The following BMP2K variants were observed in gnomAD, a reference collection of about 807,000 sequenced individuals.
BMP2K encodes BMP2 inducible kinase.
Under a neutral mutation model 116.0 loss-of-function variants are expected in BMP2K, and 74 were observed. The ratio of observed to expected loss-of-function variants is 0.64; its 90% CI spans 0.53 to 0.77. The LOEUF (loss-of-function observed/expected upper bound fraction) is 0.77, where lower values mean the gene tolerates loss of function less well. Ranked by LOEUF, BMP2K falls within the 30% of genes least tolerant of loss-of-function variation. The pLI is 0.00. For missense variants in BMP2K, 1,365 were observed against 1,403.6 expected (o/e 0.97, Z 0.44); for synonymous variants, 486 against 502.5 (o/e 0.97, Z 0.44).
intron 15 of BMP2K, among the ~76,000 whole-genome samples, chr4:78,888,969 C>A (rs1471024621): frequency 6.6e-6 from 1 of 152,038 alleles, no homozygotes; most frequent in South Asian, 2.1e-4. Flanking sequence ...CGCCTGTAAT[C>A]CCAGCACTTT....
intron 9 of BMP2K, among the ~76,000 whole-genome samples, chr4:78,864,037 GT>G: frequency 6.6e-6 from 1 of 152,236 alleles, no homozygotes; most frequent in Middle Eastern, 3.4e-3. Context: ...GTTATGCAGT[GT>G]TTTGCTGGAT....
In BMP2K at chr4:78,847,183, G is replaced by A; in HGVS notation, c.669-5G>A. The A allele has an allele frequency of 3.4e-6, 5 of 1,479,084 alleles. No individual in the cohort carries two copies. The highest frequency in any genetic ancestry group is 1.5e-5 in the South Asian group (1 of 67,766). The allele number at this position is 1,479,084 out of a possible 1,614,324, so 91.6% of individuals were successfully genotyped here. A position where few individuals can be genotyped will look rare whatever the true frequency, so the allele number is the denominator to read the frequency against. On this transcript the variant is annotated splice_region_variant and splice_polypyrimidine_tract_variant and intron_variant, in intron 5 of 15. Transcript: ENST00000502613. ...CTCCACTCCATTTCACTCATTTACT[G>A]CCAGGTATACAACTCTGTCATACAG... is the stretch of plus-strand genomic sequence containing the variant.
At chr4:78,811,288 G>A (rs1313235219) in intron 1 of BMP2K, among the ~76,000 whole-genome samples, 2 of 152,242 alleles carry the variant, frequency 1.3e-5, no homozygotes, top group Admixed American at 6.5e-5. Flanking sequence ...TGAGGAGGCT[G>A]AAGCCTAGAG....
chr4:78,829,755 C>CTT lies in BMP2K; in HGVS notation c.297+3603_297+3604dup, dbSNP rs201748165. Reference sequence around the variant, plus strand: ...TTGTGTTAGCAGGCATGGAAACAATCTTTTCTTTTCTTTTCTTTTCTTTTC... The same window carrying CTT: ...TTGTGTTAGCAGGCATGGAAACAATCTTTTTTCTTTTCTTTTCTTTTCTTTTC... On this transcript the variant is annotated intron_variant, in intron 2 of 15. Transcript: ENST00000502613. Among the ~76,000 whole-genome samples, 874 of 108,070 alleles carry CTT rather than the reference C, an allele frequency of 8.1e-3. 19 individuals are homozygous for CTT. Among genetic ancestry groups the CTT allele is most frequent in the African/African-American group, 0.047 (839 of 17,756 alleles). 70.9% of individuals were successfully genotyped at this position (108,070 alleles called of 152,430 possible).
chr4:78,849,337 C>T (rs563852033), intron 6 of BMP2K, among the ~76,000 whole-genome samples: 1 of 151,382 alleles, frequency 6.6e-6, no homozygotes, highest in African/African-American at 2.4e-5. Flanking sequence ...AAGGGAAATA[C>T]CTTTGATGTG....
chr4:78,782,842 T>C (rs1022926554), intron 1 of BMP2K, among the ~76,000 whole-genome samples: 1 of 152,212 alleles, frequency 6.6e-6, no homozygotes, highest in Admixed American at 6.5e-5. Flanking sequence ...CAAGGTCTAT[T>C]CACCTGTGCA....
chr4:78,887,145 T>G, intron 14 of BMP2K, 29 bp from the exon 15 acceptor site: 2 of 1,386,426 alleles, frequency 1.4e-6, no homozygotes, highest in Non-Finnish European at 2.0e-6. Flanking sequence ...TCATTTCATT[T>G]TTTATTTCGT....
At chr4:78,804,947 TG>T (rs1158765077) in intron 1 of BMP2K, among the ~76,000 whole-genome samples, 1 of 152,198 alleles carries the variant, frequency 6.6e-6, no homozygotes, top group Non-Finnish European at 1.5e-5. Context: ...ATTTTTTGGT[TG>T]CATATGCTTT....
In BMP2K at chr4:78,872,672, C is replaced by A; in HGVS notation, c.1667C>A (p.Ser556Tyr). 2 of 1,614,132 alleles carry A rather than the reference C, an allele frequency of 1.2e-6. No homozygotes were observed. The highest frequency in any genetic ancestry group is 1.7e-6 in the Non-Finnish European group (2 of 1,180,002). Reference protein sequence around the residue: ...QQQMLAQHQPSQQQASPEYLT... With the variant: ...QQQMLAQHQPYQQQASPEYLT... ...CAGATGCTAGCTCAACATCAGCCGT[C>A]TCAACAACAGGCATCACCTGAATAT... Residue 556 changes from serine (S) to tyrosine (Y), a missense_variant, in exon 13 of 16, where the codon TCT becomes TAT. This residue lies in a region of BMP2K where 762 missense variants were observed against 756.7 expected (regional missense o/e 1.01). Coordinates refer to ENST00000502613, the MANE Select transcript of BMP2K (RefSeq NM_198892.2).
Position 78,776,631 on chromosome 4 carries a change from G to A in BMP2K, c.88G>A (p.Ala30Thr). 1 of 1,212,924 alleles carries A rather than the reference G, an allele frequency of 8.2e-7. No individual in the cohort carries two copies. The highest frequency in any genetic ancestry group is 1.6e-5 in the African/African-American group (1 of 63,348). 75.1% of individuals were successfully genotyped at this position (1,212,924 alleles called of 1,614,324 possible). ...CGGGGCTGGCGGGGCCGGGGCCGGG[G>A]CCGGCTGCGGCTCCGGCGGCTCGTC... ...GGGAGGAGAG[A>T]GCGSGGSSVG... Residue 30 changes from alanine (A) to threonine (T), a missense_variant, in exon 1 of 16, where the codon GCC (alanine) becomes ACC (threonine). Physicochemically the swap from Ala to Thr is moderately conservative, Grantham distance 58 (BLOSUM62 0). Coordinates refer to ENST00000502613, the MANE Select transcript of BMP2K (RefSeq NM_198892.2).
At chr4:78,839,899 G>T (rs771107883) in intron 3 of BMP2K, among the ~76,000 whole-genome samples, 4 of 152,132 alleles carry the variant, frequency 2.6e-5, no homozygotes, top group South Asian at 2.1e-4. Flanking sequence ...GGGTGGGTCT[G>T]CCTTTCCCGG....
At chr4:78,886,451 C>T (rs1313942126) in intron 14 of BMP2K, among the ~76,000 whole-genome samples, 10 of 152,220 alleles carry the variant, frequency 6.6e-5, no homozygotes, top group South Asian at 6.2e-4. Context: ...CTTATTATGC[C>T]TATTGCCTAT....
At chr4:78,906,671 T>C (rs555198692) in intron 15 of BMP2K, among the ~76,000 whole-genome samples, 33 of 151,910 alleles carry the variant, frequency 2.2e-4, no homozygotes, top group Non-Finnish European at 4.1e-4. Context: ...ATAGACTTGC[T>C]TCTCCCTACA....
chr4:78,865,892 T>C (rs1732027652), intron 10 of BMP2K, 172 bp downstream of exon 10: 1 of 658,924 alleles, frequency 1.5e-6, no homozygotes, highest in South Asian at 2.5e-5. Flanking sequence ...ACAATTCAAT[T>C]GTTGTAGGCA....
At chr4:78,796,862 A>G (rs1728317578) in intron 1 of BMP2K, among the ~76,000 whole-genome samples, 1 of 152,210 alleles carries the variant, frequency 6.6e-6, no homozygotes. Context: ...TGCTAAAAAA[A>G]GTTATTACTT....
intron 1 of BMP2K, among the ~76,000 whole-genome samples, chr4:78,823,537 G>GTT (rs1436648296): frequency 2.1e-5 from 3 of 144,878 alleles, no homozygotes; most frequent in East Asian, 2.0e-4. Context: ...TATATATATG[G>GTT]TTATATATAT....
At chr4:78,819,961 C>CT (rs1729534972) in intron 1 of BMP2K, among the ~76,000 whole-genome samples, 1 of 152,054 alleles carries the variant, frequency 6.6e-6, no homozygotes. Flanking sequence ...ATATCTAGGT[C>CT]TTTTTTGTCA....
Position 78,915,174 on chromosome 4 carries a change from T to G in BMP2K, c.*3141T>G. The stretch of plus-strand genomic sequence containing the variant: ...CGTGTTGGGTATAGTTACGACATTA[T>G]CCGGATTTGCAAATAGACACAACTT... On this transcript the variant is annotated 3_prime_UTR_variant, in exon 16 of 16. Transcript: ENST00000502613. The G allele has an allele frequency of 6.6e-6, 1 of 152,000 alleles. No homozygotes were observed. 9.4% of individuals were successfully genotyped at this position (152,000 alleles called of 1,614,324 possible).
At chr4:78,817,953 ATGG>A (rs903117006) in intron 1 of BMP2K, among the ~76,000 whole-genome samples, 3 of 152,106 alleles carry the variant, frequency 2.0e-5, no homozygotes, top group Admixed American at 2.0e-4. Flanking sequence ...TTCTTATATT[ATGG>A]TAATAGAGTG....
Sources: gnomAD v4.1 joint callset for allele counts (sites outside exome capture counted in the v4.1 genomes callset) on GRCh38, gnomAD v4.1.1 for gene constraint, gnomAD v4.1.1 regional missense constraint, MANE v1.5 for transcripts, NCBI Gene and HGNC (gene_info 2026-07-23, HGNC 2026-07-21) for gene names.